Variants in PSD2 observed in about 807,000 individuals in gnomAD.
The protein encoded by PSD2 is pleckstrin and Sec7 domain containing 2, also known as PH and SEC7 domain-containing protein 2.
PSD2 carries 38 observed loss-of-function variants against 69.8 expected under a neutral mutation model. The ratio of observed to expected loss-of-function variants is 0.54; its 90% CI spans 0.42 to 0.71. The LOEUF is 0.71. PSD2 is among the 30% of genes least tolerant of loss of function. The pLI, the probability that PSD2 is intolerant of heterozygous loss-of-function variation, is 0.00. For missense variants in PSD2, 943 were observed against 1,014.5 expected (o/e 0.93, Z 0.96); for synonymous variants, 412 against 423.0 (o/e 0.97, Z 0.32).
Position 139,840,241 on chromosome 5 carries a change from GGACTGGGGAGGTGAA to G in PSD2, c.2112+73_2112+87del. 5.8e-6 allele frequency: 9 copies of G among 1,543,340 alleles called. No individual in the cohort carries two copies. The South Asian group carries it at 9.3e-5, about 16-fold the overall frequency. ...TCTCCTTCCTGCCTGGCCTGATGTG[GGACTGGGGAGGTGAA>G]GCCTAGTGATAAAGGGGCTCATTGA... On this transcript the variant is annotated intron_variant, in intron 14 of 14. Coordinates refer to ENST00000274710, the MANE Select transcript of PSD2 (RefSeq NM_032289.4).
chr5:139,804,319 A>G (rs565119520), intron 1 of PSD2, among the ~76,000 whole-genome samples: 4 of 152,216 alleles, frequency 2.6e-5, no homozygotes, highest in African/African-American at 7.2e-5. Context: ...TTCTTTGCCA[A>G]GTAACCCTCA....
chr5:139,796,802 T>TG (rs540659354), intron 1 of PSD2, among the ~76,000 whole-genome samples: 17 of 152,182 alleles, frequency 1.1e-4, no homozygotes, highest in Non-Finnish European at 1.9e-4. Context: ...GGGGCCATCT[T>TG]GGGGGGGCCA....
chr5:139,794,371 A>G (rs1759470975), upstream of PSD2, among the ~76,000 whole-genome samples: 1 of 152,192 alleles, frequency 6.6e-6, no homozygotes, highest in Non-Finnish European at 1.5e-5. Context: ...ACCATGGTTG[A>G]TGAAGTCCCA....
At chr5:139,833,842 G>T in intron 8 of PSD2, 51 bp downstream of exon 8, 1 of 1,321,410 alleles carries the variant, frequency 7.6e-7, no homozygotes. Context: ...TGAATGGATA[G>T]AGAGGAGAGA....
chr5:139,835,642 T>C (rs751324296), intron 8 of PSD2, 81 bp from the exon 9 acceptor site: 3 of 1,410,208 alleles, frequency 2.1e-6, no homozygotes, highest in African/African-American at 2.8e-5. Flanking sequence ...GCTCCCTCAC[T>C]GTACCCATGT....
Position 139,830,570 on chromosome 5 carries a change from CTTT to C in PSD2, c.1270-3131_1270-3129del, listed in dbSNP as rs1455202966. Among the ~76,000 whole-genome samples, 406 of 133,372 alleles carry C rather than the reference CTTT, an allele frequency of 3.0e-3. 3 individuals are homozygous for C. Among genetic ancestry groups the C allele is most frequent in the Admixed American group, 8.3e-3 (116 of 13,964 alleles). The allele number at this position is 133,372 out of a possible 152,430, so 87.5% of individuals were successfully genotyped here. A position where few individuals can be genotyped will look rare whatever the true frequency, so the allele number is the denominator to read the frequency against. On this transcript the variant is annotated intron_variant, in intron 7 of 14. Transcript: ENST00000274710. ...CCTTCCTTCCTTCCTTCCTTCCTTT[CTTT>C]CTTTCTTTCTTTCTTTCTTTTTCTT... is the stretch of plus-strand genomic sequence containing the variant.
intron 5 of PSD2, among the ~76,000 whole-genome samples, chr5:139,819,885 C>A (rs2126946873): frequency 6.6e-6 from 1 of 152,308 alleles, no homozygotes; most frequent in Admixed American, 6.5e-5. Context: ...TGTATGCCAG[C>A]CCAATGCTGA....
chr5:139,818,859 C>T (rs1760188419), intron 5 of PSD2, among the ~76,000 whole-genome samples: 1 of 152,076 alleles, frequency 6.6e-6, no homozygotes, highest in Non-Finnish European at 1.5e-5. Context: ...TTATATTTTC[C>T]ATTTCTAGAA....
At chr5:139,840,199 C>G in intron 14 of PSD2, 29 bp downstream of exon 14, 1 of 1,610,630 alleles carries the variant, frequency 6.2e-7, no homozygotes, top group Non-Finnish European at 8.5e-7. Flanking sequence ...GATTGCAAAG[C>G]CCAGTGCCCT....
intron 2 of PSD2, among the ~76,000 whole-genome samples, chr5:139,810,719 G>A (rs1412585383): frequency 6.6e-6 from 1 of 152,218 alleles, no homozygotes; most frequent in East Asian, 1.9e-4. Context: ...GTATGTGTCT[G>A]TGGCACTGGG....
the PSD2 span, among the ~76,000 whole-genome samples, chr5:139,747,180 C>G: frequency 6.6e-6 from 1 of 152,162 alleles, no homozygotes; most frequent in East Asian, 1.9e-4. The surrounding 1 kb of genome is among the most constrained non-coding windows in gnomAD (Gnocchi z 6.7). Flanking sequence ...GCTCAGGTCT[C>G]CGCTCGCCTC....
the PSD2 span, among the ~76,000 whole-genome samples, chr5:139,756,513 T>C: frequency 6.6e-6 from 1 of 152,114 alleles, no homozygotes; most frequent in African/African-American, 2.4e-5. Flanking sequence ...GGCTGCGCGG[T>C]TCAGCCAGGC....
rs1719629343 is a variant in PSD2 at position 139,802,766 on chromosome 5, CA to C, written c.-50-6622del. 1.3e-5 allele frequency among the ~76,000 whole-genome samples: 2 copies of C among 152,248 alleles called. 1 individual carries two copies. The highest frequency in any genetic ancestry group is 1.3e-4 in the Admixed American group (2 of 15,304). On this transcript the variant is annotated intron_variant, in intron 1 of 14. Transcript: ENST00000274710. ...TCTTCAACCAGCATGCAGATGTACGCAAATGCTAAGCAAATGAGGGTGCCAA... is the reference window on the plus strand; with the variant it reads ...TCTTCAACCAGCATGCAGATGTACGCAATGCTAAGCAAATGAGGGTGCCAA...
upstream of PSD2, among the ~76,000 whole-genome samples, chr5:139,792,429 C>T (rs1759430071): frequency 3.9e-5 from 6 of 152,136 alleles, 1 homozygote; most frequent in South Asian, 1.2e-3. Context: ...GCTGGCCCCC[C>T]CTCCCCCCAT....
At chr5:139,751,160 G>A in the PSD2 span, among the ~76,000 whole-genome samples, 1 of 152,152 alleles carries the variant, frequency 6.6e-6, no homozygotes, top group Non-Finnish European at 1.5e-5. Flanking sequence ...GGGTATGAAT[G>A]AAGATGAGGC....
At chr5:139,775,046 A>C in the PSD2 span, among the ~76,000 whole-genome samples, 2 of 152,196 alleles carry the variant, frequency 1.3e-5, no homozygotes, top group East Asian at 3.8e-4. Context: ...TGGCCGCCCC[A>C]GCCAAGGTTG....
At chr5:139,754,568 G>A in the PSD2 span, among the ~76,000 whole-genome samples, 2,289 of 152,132 alleles carry the variant, frequency 0.015, 60 homozygotes, top group African/African-American at 0.052. Flanking sequence ...GTGGTGGTGC[G>A]TGTCTGTGGT....
rs576439190 is a variant in PSD2, at chr5:139,839,333, C to T, written c.1968+561C>T. 6.6e-5 allele frequency among the ~76,000 whole-genome samples: 10 copies of T among 152,376 alleles called. No individual in the cohort carries two copies. The highest frequency in any genetic ancestry group is 1.3e-4 in the Non-Finnish European group (9 of 68,028). On this transcript the variant is annotated intron_variant, in intron 13 of 14. Transcript: ENST00000274710. The surrounding 1 kb of genome is among the most constrained non-coding windows in gnomAD (Gnocchi z 5.1). The stretch of plus-strand genomic sequence containing the variant: ...TCCCACTAGGCCTTGTCCCGGGTCA[C>T]CCCACTGAGCTCCTGGGCTCCTGCT...
At chr5:139,751,701 C>T in the PSD2 span, among the ~76,000 whole-genome samples, 2 of 152,066 alleles carry the variant, frequency 1.3e-5, no homozygotes, top group African/African-American at 2.4e-5. Context: ...TGCTCATCAC[C>T]GCCCATCATC....
Sources: allele counts gnomAD v4.1 joint callset (sites outside exome capture counted in the v4.1 genomes callset), GRCh38; gene constraint gnomAD v4.1.1; non-coding constraint Gnocchi (gnomAD v3.1); transcripts MANE v1.5; gene names NCBI Gene and HGNC (gene_info 2026-07-23, HGNC 2026-07-21).